CELSR1: variants seen among roughly 807,000 people sequenced by gnomAD.
The protein encoded by CELSR1 is cadherin EGF LAG seven-pass G-type receptor 1.
A neutral mutation model predicts 249.1 loss-of-function variants in CELSR1; 110 were observed. The ratio of observed to expected loss-of-function variants is 0.44; its 90% CI spans 0.38 to 0.52. The LOEUF (loss-of-function observed/expected upper bound fraction) is 0.52. CELSR1 is among the 20% of genes least tolerant of loss of function. The probability of loss-of-function intolerance (pLI) is 0.00; values close to 1 mark genes in which losing one functional copy is unlikely to be tolerated. For missense variants in CELSR1, 4,109 were observed against 4,296.4 expected, an observed-to-expected ratio of 0.96 and a Z score of 1.22; for synonymous variants, 2,113 against 1,900.0, an observed-to-expected ratio of 1.11 and a Z score of -2.92.
At chr22:46,442,330 C>T (rs1379759196) in intron 2 of CELSR1, among the ~76,000 whole-genome samples, 1 of 152,262 alleles carries the variant, frequency 6.6e-6, no homozygotes, top group Non-Finnish European at 1.5e-5. Flanking sequence ...GGGGCAGCCC[C>T]CATCCAGCAA....
In CELSR1 at chr22:46,399,953, GAA is replaced by G; in HGVS notation, c.5227-53_5227-52del. 6.4e-7 allele frequency: 1 copy of G among 1,574,076 alleles called. No homozygotes were observed. Among genetic ancestry groups the G allele is most frequent in the Non-Finnish European group, 8.7e-7 (1 of 1,150,674 alleles). On this transcript the variant is annotated intron_variant, in intron 9 of 34. Coordinates refer to ENST00000674500, the MANE Select transcript of CELSR1 (RefSeq NM_001378328.1). The surrounding 1 kb of genome is among the most constrained non-coding windows in gnomAD (Gnocchi z 5.0). ...TGATTGGTACAATGACAATGAAAGAGAAAACATTTTGCAGTCACTTAAACAAG... is the reference window on the plus strand; with the variant it reads ...TGATTGGTACAATGACAATGAAAGAGAACATTTTGCAGTCACTTAAACAAG...
At position 46,536,067 on chromosome 22, in the gene CELSR1, C is replaced by T; in HGVS notation, c.1104G>A (p.Val368=). 6.2e-7 allele frequency: 1 copy of T among 1,611,286 alleles called. No individual in the cohort carries two copies. The highest frequency in any genetic ancestry group is 2.2e-5 in the East Asian group (1 of 44,876). Residue 368 remains valine (V), a synonymous_variant, in exon 1 of 35, where the codon GTG becomes GTA. Coordinates refer to ENST00000674500, the MANE Select transcript of CELSR1 (RefSeq NM_001378328.1). ...CGCGGATGGTCAGCACCTCGTAGCC[C>T]ACCTCCAGGTTCTCCCGCACGCGCT... ...YRERVRENLE[V]GYEVLTIRAS...
chr22:46,424,915 G>A (rs2079520049), intron 5 of CELSR1, among the ~76,000 whole-genome samples: 1 of 152,232 alleles, frequency 6.6e-6, no homozygotes, highest in Non-Finnish European at 1.5e-5. Flanking sequence ...AGGTTGCAGT[G>A]AGCTGAGATC....
intron 2 of CELSR1, among the ~76,000 whole-genome samples, chr22:46,461,718 G>T (rs989706137): frequency 1.3e-5 from 2 of 152,234 alleles, no homozygotes; most frequent in African/African-American, 4.8e-5. Context: ...TACTATCTGC[G>T]GAGTAAAGAT....
rs968164596 is a variant in CELSR1 at position 46,423,425 on chromosome 22, G to A, written c.4611+9968C>T. Among the ~76,000 whole-genome samples, 1 of 151,414 alleles carries A rather than the reference G, an allele frequency of 6.6e-6. No homozygotes were observed. The highest frequency in any genetic ancestry group is 2.4e-5 in the African/African-American group (1 of 41,130). The stretch of plus-strand genomic sequence containing the variant: ...GGAGTTCAAGACCAGCCTCAACATG[G>A]AGAAACCCCGTCTCTACTAAAAATA... On this transcript the variant is annotated intron_variant, in intron 5 of 34. Coordinates refer to ENST00000674500, the MANE Select transcript of CELSR1 (RefSeq NM_001378328.1). The surrounding 1 kb of genome is among the most constrained non-coding windows in gnomAD (Gnocchi z 5.6).
intron 2 of CELSR1, among the ~76,000 whole-genome samples, chr22:46,456,728 A>G (rs1246329586): frequency 1.3e-5 from 2 of 151,334 alleles, no homozygotes; most frequent in Non-Finnish European, 2.9e-5. Flanking sequence ...TGACGTACAC[A>G]TTTTACAACA....
chr22:46,422,350 T>A (rs548885553), intron 5 of CELSR1, among the ~76,000 whole-genome samples: 1 of 152,156 alleles, frequency 6.6e-6, no homozygotes, highest in East Asian at 2.0e-4. Context: ...TCAAGTGATC[T>A]GCCTGCCTCG....
At chr22:46,384,795 T>C in intron 19 of CELSR1, 109 bp from the exon 20 acceptor site, 1 of 1,227,250 alleles carries the variant, frequency 8.1e-7, no homozygotes, top group Non-Finnish European at 1.1e-6. Context: ...GCCATATTTA[T>C]TTATTTATTT....
intron 5 of CELSR1, among the ~76,000 whole-genome samples, chr22:46,421,619 C>A (rs74670980): frequency 0.089 from 13,537 of 152,228 alleles, 1,877 homozygotes; most frequent in African/African-American, 0.3. Context: ...CAAGCAGGGC[C>A]CTGCACCACC....
chr22:46,485,264 A>T (rs1158016408), intron 1 of CELSR1, among the ~76,000 whole-genome samples: 1 of 152,116 alleles, frequency 6.6e-6, no homozygotes, highest in Non-Finnish European at 1.5e-5. Context: ...TCCAGTATTC[A>T]AAGACTAGAA....
intron 24 of CELSR1, among the ~76,000 whole-genome samples, chr22:46,375,034 T>C (rs1351557136): frequency 3.9e-5 from 6 of 152,094 alleles, no homozygotes; most frequent in African/African-American, 1.4e-4. Flanking sequence ...TGGAGGCTTC[T>C]CAAGGGTGAC....
rs1166524418 is a variant in CELSR1, at chr22:46,366,499, C to A, written c.8206-19G>T. The stretch of plus-strand genomic sequence containing the variant: ...GGGAGCGCTGAAGGGAGGGGAGGGG[C>A]TGGTCACTGCCAAGTGGTGGCCACC... On this transcript the variant is annotated intron_variant, in intron 29 of 34. Transcript: ENST00000674500. The A allele has an allele frequency of 6.5e-7, 1 of 1,540,008 alleles. No homozygotes were observed. Among genetic ancestry groups the A allele is most frequent in the Non-Finnish European group, 8.8e-7 (1 of 1,137,578 alleles).
At position 46,535,636 on chromosome 22, in the gene CELSR1, A is replaced by G; in HGVS notation, c.1535T>C (p.Leu512Pro). The G allele has an allele frequency of 6.2e-7, 1 of 1,613,376 alleles. No homozygotes were observed. Among genetic ancestry groups the G allele is most frequent in the Non-Finnish European group, 8.5e-7 (1 of 1,180,028 alleles). ...GTTGATCACATCCAGGATCCCGCTC[A>G]GCGAGTGCAGGTAGAACTGGCCGGC... ...NVAGQFYLHS[L>P]SGILDVINPL... Residue 512 changes from leucine (L) to proline (P), a missense_variant, in exon 1 of 35, where the codon CTG (leucine) becomes CCG (proline). Physicochemically the swap from Leu to Pro is moderately conservative, Grantham distance 98. Around this residue, in one of 7 missense-constraint regions of CELSR1, gnomAD observed 135 missense variants for 190.0 expected, o/e 0.71. Transcript: ENST00000674500.
At chr22:46,365,157 C>T in intron 32 of CELSR1, 74 bp downstream of exon 32, 1 of 1,529,852 alleles carries the variant, frequency 6.5e-7, no homozygotes, top group Non-Finnish European at 8.8e-7. Context: ...AGGAAGGGAC[C>T]CAGCCATAGC....
chr22:46,373,010 G>A lies in CELSR1; in HGVS notation c.7632C>T (p.Ser2544=), dbSNP rs758851925. Residue 2544 remains serine (S), a synonymous_variant, in exon 25 of 35, where the codon AGC becomes AGT. Coordinates refer to ENST00000674500, the MANE Select transcript of CELSR1 (RefSeq NM_001378328.1). The part of the protein sequence containing the change: ...VAILLHYIYM[S]TFAWTLVESL... ...TCTCCACGAGGGTCCAGGCAAAGGT[G>A]CTCATGTAGATGTAGTGGAGGAGGA... 4 of 1,612,776 alleles carry A rather than the reference G, an allele frequency of 2.5e-6. No individual in the cohort carries two copies. The highest frequency in any genetic ancestry group is 1.7e-4 in the Middle Eastern group (1 of 6,058).
intron 1 of CELSR1, among the ~76,000 whole-genome samples, chr22:46,519,750 C>G (rs971015094): frequency 1.3e-5 from 2 of 152,186 alleles, no homozygotes; most frequent in African/African-American, 4.8e-5. Context: ...CTTCCTTGCA[C>G]CCAGGGCCCC....
In CELSR1 at chr22:46,428,519, T is replaced by TGG. The variant is rs2079560525; in HGVS notation, c.4611+4872_4611+4873dup. Among the ~76,000 whole-genome samples the TGG allele has an allele frequency of 3.3e-5, 5 of 152,218 alleles. No individual in the cohort carries two copies. The highest frequency in any genetic ancestry group is 3.3e-4 in the Admixed American group (5 of 15,278). On this transcript the variant is annotated intron_variant, in intron 5 of 34. Coordinates refer to ENST00000674500, the MANE Select transcript of CELSR1 (RefSeq NM_001378328.1). The surrounding 1 kb of genome is among the most constrained non-coding windows in gnomAD (Gnocchi z 5.7). ...CTGAGCTCCCGTCTCACTAGCCCAG[T>TGG]GGTTCTCATCCAGGGCATGACCTCA...
chr22:46,415,627 A>T (rs534673205), intron 5 of CELSR1, among the ~76,000 whole-genome samples: 3,053 of 131,678 alleles, frequency 0.023, 105 homozygotes, highest in African/African-American at 0.1. Flanking sequence ...GGAAAAAATT[A>T]AAAAAAAAAA....
intron 5 of CELSR1, among the ~76,000 whole-genome samples, chr22:46,414,153 G>C (rs2079369547): frequency 6.6e-6 from 1 of 152,202 alleles, no homozygotes; most frequent in African/African-American, 2.4e-5. Context: ...CCCACTGCTA[G>C]GACACCTGAC....
Sources: gnomAD v4.1 joint callset for allele counts (sites outside exome capture counted in the v4.1 genomes callset) on GRCh38, gnomAD v4.1.1 for gene constraint, gnomAD v4.1.1 regional missense constraint, Gnocchi (gnomAD v3.1) non-coding constraint, MANE v1.5 for transcripts, NCBI Gene and HGNC (gene_info 2026-07-23, HGNC 2026-07-21) for gene names.